The following WWOX variants were observed in gnomAD, a reference collection of about 807,000 sequenced individuals.
WWOX encodes the protein WW domain-containing oxidoreductase.
A neutral mutation model predicts 46.2 loss-of-function variants in WWOX; 69 were observed. The observed-to-expected ratio is 1.49, with a 90% CI of 1.23 to 1.82. The LOEUF (loss-of-function observed/expected upper bound fraction) is 1.82. Among genes scored for constraint, WWOX ranks in the 40% most tolerant of loss-of-function variants. The pLI is 0.00. For synonymous variants in WWOX, 359 were observed against 202.6 expected (o/e 1.77, Z -6.56); for missense variants, 919 against 542.6 (o/e 1.69, Z -6.89).
intron 8 of WWOX, among the ~76,000 whole-genome samples, chr16:78,863,056 T>G (rs180756513): frequency 6.6e-6 from 1 of 151,666 alleles, no homozygotes; most frequent in Admixed American, 6.6e-5. Flanking sequence ...CCTCCCAGGT[T>G]CAAGCGATTC....
At chr16:79,095,478 C>G (rs557045130) in intron 8 of WWOX, among the ~76,000 whole-genome samples, 7 of 152,268 alleles carry the variant, frequency 4.6e-5, no homozygotes, top group Non-Finnish European at 7.4e-5. Flanking sequence ...AGCAGGATGG[C>G]TTCTGGTTTC....
At chr16:78,784,293 G>A (rs2050402291) in intron 8 of WWOX, among the ~76,000 whole-genome samples, 1 of 152,132 alleles carries the variant, frequency 6.6e-6, no homozygotes, top group African/African-American at 2.4e-5. Flanking sequence ...GCAGAAAAGA[G>A]ACAGCCAGTC....
At chr16:79,175,693 G>A (rs1298108415) in intron 8 of WWOX, among the ~76,000 whole-genome samples, 1 of 152,194 alleles carries the variant, frequency 6.6e-6, no homozygotes, top group African/African-American at 2.4e-5. Context: ...AGGCAGGCCT[G>A]TGTGCCTGTT....
intron 8 of WWOX, among the ~76,000 whole-genome samples, chr16:78,936,470 T>C (rs1415305372): frequency 1.3e-5 from 2 of 152,100 alleles, no homozygotes; most frequent in East Asian, 3.9e-4. Flanking sequence ...AGTGAATAAA[T>C]AGGTACATAA....
intron 5 of WWOX, among the ~76,000 whole-genome samples, chr16:78,275,753 A>G (rs2079564889): frequency 6.6e-6 from 1 of 152,172 alleles, no homozygotes; most frequent in Non-Finnish European, 1.5e-5. Flanking sequence ...TCCTTTTGGT[A>G]TTTGTCCCTT....
intron 8 of WWOX, among the ~76,000 whole-genome samples, chr16:79,059,265 A>G (rs1212217073): frequency 2.6e-5 from 4 of 152,204 alleles, no homozygotes; most frequent in Admixed American, 2.6e-4. Context: ...ACCATAAAAT[A>G]CAGCGTAAAA....
intron 8 of WWOX, among the ~76,000 whole-genome samples, chr16:78,453,625 C>G (rs1390935199): frequency 6.6e-6 from 1 of 151,942 alleles, no homozygotes; most frequent in Non-Finnish European, 1.5e-5. Flanking sequence ...TACTTCAGCC[C>G]TGCTATTTTT....
At chr16:78,611,225 G>C (rs549293859) in intron 8 of WWOX, among the ~76,000 whole-genome samples, 1 of 152,110 alleles carries the variant, frequency 6.6e-6, no homozygotes, top group African/African-American at 2.4e-5. Flanking sequence ...CGTTCATTTC[G>C]TGAGACTTTT....
At chr16:79,097,010 T>G (rs2049089562) in intron 8 of WWOX, among the ~76,000 whole-genome samples, 1 of 151,938 alleles carries the variant, frequency 6.6e-6, no homozygotes, top group Admixed American at 6.6e-5. Context: ...TTTGCAACTT[T>G]CTGTGGCATA....
At chr16:78,434,630 A>G (rs1219587269) in intron 8 of WWOX, among the ~76,000 whole-genome samples, 1 of 152,138 alleles carries the variant, frequency 6.6e-6, no homozygotes, top group Non-Finnish European at 1.5e-5. Context: ...TCTCACTTGT[A>G]TTTGATCATT....
chr16:78,582,223 G>A (rs2045075751), intron 8 of WWOX, among the ~76,000 whole-genome samples: 1 of 152,154 alleles, frequency 6.6e-6, no homozygotes, highest in African/African-American at 2.4e-5. Flanking sequence ...TCAATACATG[G>A]CCAAAGTGTG....
Position 78,649,746 on chromosome 16 carries a change from A to C in WWOX, c.1056+216994A>C, listed in dbSNP as rs564359373. Among the ~76,000 whole-genome samples the C allele has an allele frequency of 3.3e-5, 5 of 152,356 alleles. No individual in the cohort carries two copies. In the East Asian group the frequency reaches 9.6e-4, roughly 29 times the overall value. On this transcript the variant is annotated intron_variant, in intron 8 of 8. Transcript: ENST00000566780. ...TTCATGTGTTAAGTCTACAGTGTAT[A>C]ACTTGGGTTTACTTATCTCATTTAA...
intron 8 of WWOX, among the ~76,000 whole-genome samples, chr16:78,529,490 G>T (rs1170195988): frequency 6.6e-6 from 1 of 151,830 alleles, no homozygotes; most frequent in Non-Finnish European, 1.5e-5. Context: ...TTTTTGAGAT[G>T]GAGTCTTGCA....
chr16:78,756,467 G>A (rs1310243698), intron 8 of WWOX, among the ~76,000 whole-genome samples: 1 of 152,110 alleles, frequency 6.6e-6, no homozygotes, highest in Non-Finnish European at 1.5e-5. Flanking sequence ...GATTGATTAG[G>A]CAATAGTTTA....
At chr16:79,144,717 A>G (rs996814988) in intron 8 of WWOX, among the ~76,000 whole-genome samples, 13 of 152,196 alleles carry the variant, frequency 8.5e-5, no homozygotes, top group African/African-American at 3.1e-4. Context: ...TGTTCTGTAC[A>G]GTAGTCCTTA....
chr16:78,240,323 AAT>A lies in WWOX; in HGVS notation c.516+76036_516+76037del, dbSNP rs572274424. ...GCAAGACCCCATCTCTTAAAAAAAA[AAT>A]AACACCAAAAGACAAAACAGAAAAA... On this transcript the variant is annotated intron_variant, in intron 5 of 8. Transcript: ENST00000566780. Among the ~76,000 whole-genome samples, 238 of 152,156 alleles carry A rather than the reference AAT, an allele frequency of 1.6e-3. 1 individual carries two copies. The highest frequency in any genetic ancestry group is 5.4e-3 in the African/African-American group (224 of 41,512).
intron 8 of WWOX, among the ~76,000 whole-genome samples, chr16:78,590,146 G>GTCTCTC (rs58692243): frequency 0.057 from 8,551 of 148,996 alleles, 641 homozygotes; most frequent in African/African-American, 0.17. Context: ...TAGGCATTCA[G>GTCTCTC]TCTCTCTCTC....
chr16:78,696,005 G>T (rs1048479273), intron 8 of WWOX, among the ~76,000 whole-genome samples: 2 of 152,160 alleles, frequency 1.3e-5, no homozygotes, highest in African/African-American at 2.4e-5. Flanking sequence ...AATCTCTGGT[G>T]GGGAGGGAGA....
chr16:78,397,640 G>T (rs892331568), intron 6 of WWOX, among the ~76,000 whole-genome samples: 5 of 152,206 alleles, frequency 3.3e-5, no homozygotes, highest in African/African-American at 1.2e-4. Flanking sequence ...AAGGAGATTT[G>T]TCCCATGAGT....
Sources: allele counts gnomAD v4.1 joint callset (sites outside exome capture counted in the v4.1 genomes callset), GRCh38; gene constraint gnomAD v4.1.1; transcripts MANE v1.5; gene names NCBI Gene and HGNC (gene_info 2026-07-23, HGNC 2026-07-21).